CHD5: variants seen among roughly 807,000 people sequenced by gnomAD.
The protein encoded by CHD5 is chromodomain helicase DNA binding protein 5, also known as ATP-dependent chromatin remodeler CHD5.
In CHD5, 69 loss-of-function variants were observed where a neutral mutation model predicts 230.3. The ratio of observed to expected loss-of-function variants is 0.30; its 90% CI spans 0.25 to 0.37. The LOEUF (loss-of-function observed/expected upper bound fraction) is 0.37. CHD5 is among the 10% of genes least tolerant of loss of function. CHD5 has a pLI of 1.00. For missense variants in CHD5, 1,827 were observed against 2,622.8 expected (o/e 0.70, Z 6.63); for synonymous variants, 1,064 against 1,065.9 (o/e 1.00, Z 0.03).
At chr1:6,172,047 T>G (rs957449987) in intron 1 of CHD5, among the ~76,000 whole-genome samples, 3 of 152,212 alleles carry the variant, frequency 2.0e-5, no homozygotes, top group Non-Finnish European at 4.4e-5. Context: ...AGAGGCACCT[T>G]CTGCTGCTTT....
At chr1:6,171,320 T>C (rs539255299) in intron 1 of CHD5, among the ~76,000 whole-genome samples, 3 of 152,170 alleles carry the variant, frequency 2.0e-5, no homozygotes, top group African/African-American at 7.2e-5. Context: ...CCAGCTCCGT[T>C]CCCAGAAGAC....
At position 6,155,949 on chromosome 1, in the gene CHD5, C is replaced by A. The variant is rs1464679678; in HGVS notation, c.388-232G>T. ...CAGATGCCAGCCCACGAAGTGCAGG[C>A]CAAGTGTTCGACGTCAGGGTTTGGG... On this transcript the variant is annotated intron_variant, in intron 3 of 41. Coordinates refer to ENST00000262450, the MANE Select transcript of CHD5 (RefSeq NM_015557.3). This position sits in a 1 kb window ranked among gnomAD's most constrained non-coding sequence, Gnocchi z 4.0. Among the ~76,000 whole-genome samples the A allele has an allele frequency of 6.6e-6, 1 of 152,226 alleles. No individual in the cohort carries two copies. Among genetic ancestry groups the A allele is most frequent in the Non-Finnish European group, 1.5e-5 (1 of 68,044 alleles).
At chr1:6,179,551 C>T (rs1190152271) in intron 1 of CHD5, among the ~76,000 whole-genome samples, 1 of 151,532 alleles carries the variant, frequency 6.6e-6, no homozygotes, top group Non-Finnish European at 1.5e-5. Flanking sequence ...CAGAGGCGCA[C>T]GGCGGCGGGA....
chr1:6,119,130 C>A (rs1666423620), intron 33 of CHD5, among the ~76,000 whole-genome samples: 1 of 150,888 alleles, frequency 6.6e-6, no homozygotes, highest in African/African-American at 2.4e-5. Context: ...AAGAGCAACC[C>A]AAATCAGCAA....
At chr1:6,110,105 T>A in intron 37 of CHD5, 115 bp from the exon 38 acceptor site, 1 of 1,060,320 alleles carries the variant, frequency 9.4e-7, no homozygotes, top group Non-Finnish European at 1.3e-6. Context: ...AAAGAGGACG[T>A]ACTGCCATCT....
At chr1:6,123,811 G>C (rs1666509791) in intron 31 of CHD5, 137 bp downstream of exon 31, 5 of 555,516 alleles carry the variant, frequency 9.0e-6, no homozygotes. Flanking sequence ...TCTCTGTAGA[G>C]TGACATTTCA....
chr1:6,130,262 G>A lies in CHD5; in HGVS notation c.3329C>T (p.Ala1110Val). 1 of 1,614,090 alleles carries A rather than the reference G, an allele frequency of 6.2e-7. No individual in the cohort carries two copies. The highest frequency in any genetic ancestry group is 8.5e-7 in the Non-Finnish European group (1 of 1,179,976). The change falls in exon 22 of 42, where the codon GCC (alanine) becomes GTC (valine). Residue 1110 changes from alanine (A) to valine (V), a missense_variant. By Grantham distance (64) the Ala-to-Val change is moderately conservative. Around this residue, in one of 14 missense-constraint regions of CHD5, gnomAD observed 81 missense variants for 245.4 expected, o/e 0.33. Coordinates refer to ENST00000262450, the MANE Select transcript of CHD5 (RefSeq NM_015557.3). The surrounding 1 kb of genome is among the most constrained non-coding windows in gnomAD (Gnocchi z 4.9). ...GTAGATGATGACAGTGTCCGCCGTG[G>A]CCAGGTTGATGCCCAGACCACCTGC... The part of the protein sequence containing the change: ...TRAGGLGINL[A>V]TADTVIIYDS...
intron 9 of CHD5, 116 bp downstream of exon 9, chr1:6,148,738 C>T (rs1452260795): frequency 8.4e-6 from 6 of 715,340 alleles, no homozygotes; most frequent in Admixed American, 4.7e-5. Context: ...GCTACCGAGG[C>T]GGGGCAGGAG....
At position 6,106,393 on chromosome 1, in the gene CHD5, A is replaced by G. The variant is rs1666167410; in HGVS notation, c.5857+2T>C. ...TGCTGCCCGGAGCGGACGGGCACCTACCGGTCACATAGGGCCCCAGGGGCA... is the reference window on the plus strand; with the variant it reads ...TGCTGCCCGGAGCGGACGGGCACCTGCCGGTCACATAGGGCCCCAGGGGCA... On this transcript the variant is annotated splice_donor_variant, in intron 40 of 41. Transcript: ENST00000262450. LOFTEE classifies it high-confidence loss of function. 5.0e-6 allele frequency: 8 copies of G among 1,602,640 alleles called. No individual in the cohort carries two copies. The highest frequency in any genetic ancestry group is 6.8e-6 in the Non-Finnish European group (8 of 1,175,130).
intron 15 of CHD5, among the ~76,000 whole-genome samples, chr1:6,137,101 C>T (rs2485022): frequency 0.4 from 60,227 of 151,442 alleles, 12,870 homozygotes; most frequent in East Asian, 0.8. Context: ...GAAGAAACGG[C>T]CTCGGCTTGT....
At chr1:6,120,879 G>T (rs1666458488) in intron 33 of CHD5, among the ~76,000 whole-genome samples, 1 of 152,010 alleles carries the variant, frequency 6.6e-6, no homozygotes, top group African/African-American at 2.4e-5. Context: ...TTCCAGCCTG[G>T]GTGACAGAGC....
rs1320177884 is a variant in CHD5, at chr1:6,136,845, G to A, written c.2457C>T (p.Phe819=). ...FRMKKEVQIK[F]HVLLTSYELI... ...GCTCATAGGAGGTGAGCAGCACGTG[G>A]AATTTGATCTGCACTTCTTTCTGGA... Residue 819 remains phenylalanine (F), a synonymous_variant, in exon 16 of 42, where the codon TTC becomes TTT. Coordinates refer to ENST00000262450, the MANE Select transcript of CHD5 (RefSeq NM_015557.3). 6.2e-7 allele frequency: 1 copy of A among 1,610,484 alleles called. No homozygotes were observed. Among genetic ancestry groups the A allele is most frequent in the Non-Finnish European group, 8.5e-7 (1 of 1,177,582 alleles).
In CHD5 at chr1:6,146,952, G is replaced by T; in HGVS notation, c.1384-81C>A. ...GGCTCCCATGACAGCAGGCTGCCAT[G>T]CAGGCTCCCTCCCATCAGTGCCACT... On this transcript the variant is annotated intron_variant, in intron 9 of 41. Coordinates refer to ENST00000262450, the MANE Select transcript of CHD5 (RefSeq NM_015557.3). This position sits in a 1 kb window ranked among gnomAD's most constrained non-coding sequence, Gnocchi z 5.1. 9.0e-7 allele frequency: 1 copy of T among 1,111,004 alleles called. No individual in the cohort carries two copies. Among genetic ancestry groups the T allele is most frequent in the Non-Finnish European group, 1.3e-6 (1 of 798,148 alleles). The allele number at this position is 1,111,004 out of a possible 1,614,324, so 68.8% of individuals were successfully genotyped here. A position where few individuals can be genotyped will look rare whatever the true frequency, so the allele number is the denominator to read the frequency against.
At position 6,142,569 on chromosome 1, in the gene CHD5, C is replaced by T. The variant is rs774223603; in HGVS notation, c.2080G>A (p.Asp694Asn). 5.0e-6 allele frequency: 8 copies of T among 1,613,756 alleles called. No individual in the cohort carries two copies. The highest frequency in any genetic ancestry group is 3.4e-4 in the Middle Eastern group (2 of 5,924). Residue 694 changes from aspartate (D) to asparagine (N), a missense_variant, in exon 14 of 42, where the codon GAC becomes AAC. Coordinates refer to ENST00000262450, the MANE Select transcript of CHD5 (RefSeq NM_015557.3). The surrounding 1 kb of genome is among the most constrained non-coding windows in gnomAD (Gnocchi z 5.2). ...GGGTGCAGTGTGCCGCCTGTGGAGT[C>T]GATGTACCATGGCTGCTTGTCGAAC... is the stretch of plus-strand genomic sequence containing the variant. ...VKFDKQPWYI[D>N]STGGTLHPYQ...
In CHD5 at chr1:6,142,704, T is replaced by C. The variant is rs2100857579; in HGVS notation, c.2044-99A>G. 7.9e-7 allele frequency: 1 copy of C among 1,259,282 alleles called. No individual in the cohort carries two copies. The highest frequency in any genetic ancestry group is 1.5e-5 in the African/African-American group (1 of 67,354). 78.0% of individuals were successfully genotyped at this position (1,259,282 alleles called of 1,614,324 possible). A position where few individuals can be genotyped will look rare whatever the true frequency, so the allele number is the denominator to read the frequency against. ...ATGCAATTCCTTCTGCCTGGAACAC[T>C]CTTCCCACTCCTGTCTGTCTTCCTA... On this transcript the variant is annotated intron_variant, in intron 13 of 41. Transcript: ENST00000262450. The surrounding 1 kb of genome is among the most constrained non-coding windows in gnomAD (Gnocchi z 5.2).
chr1:6,136,040 C>A lies in CHD5; in HGVS notation c.2696+477G>T, dbSNP rs74774737. Among the ~76,000 whole-genome samples, 8 of 52,564 alleles carry A rather than the reference C, an allele frequency of 1.5e-4. No homozygotes were observed. The East Asian group carries it at 0.019, about 128-fold the overall frequency. The allele number at this position is 52,564 out of a possible 152,430, so 34.5% of individuals were successfully genotyped here. Reference sequence around the variant, plus strand: ...AAAAAAAAACAACAAAAAAAAAAAACACTGCATCTCCTGATTCCAAAATCG... The same window carrying A: ...AAAAAAAAACAACAAAAAAAAAAAAAACTGCATCTCCTGATTCCAAAATCG... On this transcript the variant is annotated intron_variant, in intron 17 of 41. Transcript: ENST00000262450.
In CHD5 at chr1:6,155,755, G is replaced by A; in HGVS notation, c.388-38C>T. On this transcript the variant is annotated intron_variant, in intron 3 of 41. Coordinates refer to ENST00000262450, the MANE Select transcript of CHD5 (RefSeq NM_015557.3). The surrounding 1 kb of genome is among the most constrained non-coding windows in gnomAD (Gnocchi z 4.0). ...AGGCCAGAGGTAGAGTTGTTGAGGG[G>A]CCTTCTGACCTGCACCCCCATCCCC... 2 of 1,538,634 alleles carry A rather than the reference G, an allele frequency of 1.3e-6. No homozygotes were observed. Among genetic ancestry groups the A allele is most frequent in the Non-Finnish European group, 1.8e-6 (2 of 1,112,430 alleles).
chr1:6,170,578 G>A (rs1466167188), intron 1 of CHD5, among the ~76,000 whole-genome samples: 1 of 152,254 alleles, frequency 6.6e-6, no homozygotes, highest in South Asian at 2.1e-4. Flanking sequence ...CTCCCTCAAG[G>A]GTGGCCAGGT....
rs1064281 is a variant in CHD5 at position 6,103,075 on chromosome 1, C to T, written c.*2399G>A. The T allele has an allele frequency of 0.36, 54,193 of 152,186 alleles. 10,228 individuals carry two copies. The highest frequency in any genetic ancestry group is 0.47 in the Middle Eastern group (138 of 296). 9.4% of individuals were successfully genotyped at this position (152,186 alleles called of 1,614,324 possible). A position where few individuals can be genotyped will look rare whatever the true frequency, so the allele number is the denominator to read the frequency against. On this transcript the variant is annotated 3_prime_UTR_variant, in exon 42 of 42. Transcript: ENST00000262450. ...ACCCAGCCCAAAGACGCCAAACATA[C>T]GGACACCACCATCACCACTTTTGGC...
Sources: allele counts gnomAD v4.1 joint callset (sites outside exome capture counted in the v4.1 genomes callset), GRCh38; gene constraint gnomAD v4.1.1; regional missense constraint gnomAD v4.1.1; non-coding constraint Gnocchi (gnomAD v3.1); transcripts MANE v1.5; gene names NCBI Gene and HGNC (gene_info 2026-07-23, HGNC 2026-07-21).